Variants in TTC3 observed in about 807,000 individuals in gnomAD.
TTC3 encodes the protein E3 ubiquitin-protein ligase TTC3.
TTC3 carries 180 observed loss-of-function variants against 249.6 expected under a neutral mutation model. The observed-to-expected ratio is 0.72, with a 90% CI of 0.64 to 0.82. The LOEUF is 0.82. TTC3 is among the 40% of genes least tolerant of loss of function. The pLI is 0.00. For synonymous variants in TTC3, 717 were observed against 805.0 expected, an observed-to-expected ratio of 0.89 and a Z score of 1.85; for missense variants, 2,061 against 2,398.4, an observed-to-expected ratio of 0.86 and a Z score of 2.94.
chr21:37,183,509 G>A (rs996421812), intron 36 of TTC3, among the ~76,000 whole-genome samples: 1 of 152,130 alleles, frequency 6.6e-6, no homozygotes, highest in South Asian at 2.1e-4. Flanking sequence ...ACACCCAAAA[G>A]TCAGTTTCTT....
chr21:37,095,549 A>G (rs1317718100), intron 9 of TTC3, 105 bp downstream of exon 9: 1 of 775,682 alleles, frequency 1.3e-6, no homozygotes, highest in African/African-American at 1.8e-5. Flanking sequence ...AGTATCTTCC[A>G]ACTTGTGCAG....
chr21:37,076,356 C>G (rs2070857627), intron 1 of TTC3, among the ~76,000 whole-genome samples: 3 of 152,080 alleles, frequency 2.0e-5, no homozygotes, highest in Admixed American at 2.0e-4. Flanking sequence ...TTGGTTGTTT[C>G]TAGGTTTTGC....
chr21:37,141,189 T>G (rs1177816462), intron 20 of TTC3, among the ~76,000 whole-genome samples: 1 of 152,200 alleles, frequency 6.6e-6, no homozygotes, highest in South Asian at 2.1e-4. Flanking sequence ...TCATGTCTCT[T>G]AGTCTTGTCT....
intron 42 of TTC3, among the ~76,000 whole-genome samples, chr21:37,196,269 C>A (rs1174044141): frequency 7.2e-6 from 1 of 138,044 alleles, no homozygotes; most frequent in Non-Finnish European, 1.5e-5. Context: ...CAGAGTCTCA[C>A]TCTGTTGCCT....
At chr21:37,083,449 G>A (rs1464365292) in intron 1 of TTC3, 1 of 966,594 alleles carries the variant, frequency 1.0e-6, no homozygotes, top group African/African-American at 1.8e-5. Context: ...GAGACTGCTT[G>A]TTAAATTAGT....
chr21:37,073,296 T>TGGCGGC (rs879750802), exon 1 of TTC3: 28 of 253,804 alleles, frequency 1.1e-4, no homozygotes, highest in Admixed American at 4.3e-4. Context: ...GGGCCGGAGG[T>TGGCGGC]GGCGGCGGCG....
rs1055640983 is a variant in TTC3 at position 37,144,665 on chromosome 21, G to T, written c.1893+20G>T. 4 of 1,602,334 alleles carry T rather than the reference G, an allele frequency of 2.5e-6. No individual in the cohort carries two copies. The highest frequency in any genetic ancestry group is 3.4e-6 in the Non-Finnish European group (4 of 1,175,256). ...ATAAAGGTAACCATTTATTTTTGCA[G>T]AGTGTTTCTTACTGTGAATGCTTAT... On this transcript the variant is annotated intron_variant, in intron 21 of 45. Coordinates refer to ENST00000355666, the Ensembl canonical transcript of TTC3.
Position 37,139,187 on chromosome 21 carries a change from C to T in TTC3, c.1659+473C>T, listed in dbSNP as rs140726912. Among the ~76,000 whole-genome samples, 42 of 152,106 alleles carry T rather than the reference C, an allele frequency of 2.8e-4. 1 individual carries two copies. The highest frequency in any genetic ancestry group is 1.0e-3 in the South Asian group (5 of 4,816). Reference sequence around the variant, plus strand: ...GGAGGGAATGGACCTGGGGAGGTTTCGTGTTATGCTGTTTTCCTAGAAAAA... The same window carrying T: ...GGAGGGAATGGACCTGGGGAGGTTTTGTGTTATGCTGTTTTCCTAGAAAAA... On this transcript the variant is annotated intron_variant, in intron 19 of 45. Transcript: ENST00000355666.
At chr21:37,091,151 A>G (rs536365051) in intron 6 of TTC3, 142 bp from the exon 7 acceptor site, 1 of 769,390 alleles carries the variant, frequency 1.3e-6, no homozygotes, top group East Asian at 2.9e-5. Flanking sequence ...TCTAAGTTAC[A>G]TGCCAGAGTA....
intron 19 of TTC3, among the ~76,000 whole-genome samples, chr21:37,140,325 G>C (rs1268212518): frequency 6.6e-6 from 1 of 152,156 alleles, no homozygotes; most frequent in Non-Finnish European, 1.5e-5. Flanking sequence ...AATGCTTATA[G>C]GTTGATTGTC....
At position 37,096,434 on chromosome 21, in the gene TTC3, T is replaced by G. The variant is rs1016136851; in HGVS notation, c.783-147T>G. The stretch of plus-strand genomic sequence containing the variant: ...AGTGAAGGAACGGGGACTTCGCCAG[T>G]TAAGACTCCAGGTCCTATATTCTTT... On this transcript the variant is annotated intron_variant, in intron 9 of 45. Coordinates refer to ENST00000355666, the Ensembl canonical transcript of TTC3. The G allele has an allele frequency of 1.3e-5, 7 of 551,270 alleles. No homozygotes were observed. In the African/African-American group the frequency reaches 1.4e-4, roughly 11 times the overall value. 34.1% of individuals were successfully genotyped at this position (551,270 alleles called of 1,614,324 possible). A position where few individuals can be genotyped will look rare whatever the true frequency, so the allele number is the denominator to read the frequency against.
At chr21:37,115,801 T>C (rs1467114093) in intron 11 of TTC3, among the ~76,000 whole-genome samples, 1 of 152,188 alleles carries the variant, frequency 6.6e-6, no homozygotes, top group Non-Finnish European at 1.5e-5. Context: ...CACTTTGTAC[T>C]TGCCCTTCCC....
At chr21:37,139,147 CT>C (rs2078209310) in intron 19 of TTC3, among the ~76,000 whole-genome samples, 1 of 152,040 alleles carries the variant, frequency 6.6e-6, no homozygotes, top group Non-Finnish European at 1.5e-5. Context: ...TAATGGCTGC[CT>C]TTAGTGATGG....
intron 22 of TTC3, 59 bp from the exon 23 acceptor site, chr21:37,148,487 T>C: frequency 1.2e-6 from 1 of 830,130 alleles, no homozygotes; most frequent in East Asian, 2.8e-5. Context: ...TATGTTGTAG[T>C]GAGTGAGTGT....
intron 11 of TTC3, among the ~76,000 whole-genome samples, chr21:37,109,728 C>G (rs1330940533): frequency 6.7e-6 from 1 of 149,040 alleles, no homozygotes; most frequent in Non-Finnish European, 1.5e-5. Context: ...TCTCCCAGCA[C>G]GCAGCTTGAG....
exon 14 of TTC3, chr21:37,124,650 A>G (rs372136085): frequency 5.0e-6 from 8 of 1,612,942 alleles, no homozygotes; most frequent in African/African-American, 4.0e-5. Flanking sequence ...ATCAGCACCT[A>G]TATTTACTAC....
intron 10 of TTC3, among the ~76,000 whole-genome samples, chr21:37,103,114 G>T (rs1007496677): frequency 2.1e-4 from 32 of 152,334 alleles, no homozygotes; most frequent in African/African-American, 7.2e-4. Flanking sequence ...TTAGCCAAGG[G>T]TGGGGAGAGG....
Position 37,088,187 on chromosome 21 carries a change from T to A in TTC3, c.188-9T>A, listed in dbSNP as rs984668643. The A allele has an allele frequency of 5.2e-6, 8 of 1,543,142 alleles. No homozygotes were observed. Among genetic ancestry groups the A allele is most frequent in the Non-Finnish European group, 7.0e-6 (8 of 1,145,312 alleles). ...CAAACATTAATTTTAAACTTTTTTT[T>A]TAATTAAGAATTTGACATCTGCAGT... is the stretch of plus-strand genomic sequence containing the variant. On this transcript the variant is annotated splice_polypyrimidine_tract_variant and intron_variant, in intron 3 of 45. Transcript: ENST00000355666.
intron 28 of TTC3, among the ~76,000 whole-genome samples, chr21:37,157,481 T>G (rs1232266814): frequency 3.3e-5 from 5 of 152,182 alleles, no homozygotes; most frequent in Non-Finnish European, 1.5e-5. Flanking sequence ...GAAAAGAGAA[T>G]AAGAAGCATG....
Sources: allele counts gnomAD v4.1 joint callset (sites outside exome capture counted in the v4.1 genomes callset), GRCh38; gene constraint gnomAD v4.1.1; transcripts MANE v1.5; gene names NCBI Gene and HGNC (gene_info 2026-07-23, HGNC 2026-07-21).